The following MCM2 variants were observed in gnomAD, a reference collection of about 807,000 sequenced individuals.
The protein encoded by MCM2 is DNA replication licensing factor MCM2.
MCM2 carries 49 observed loss-of-function variants against 86.4 expected under a neutral mutation model. The observed-to-expected ratio is 0.57, with a 90% CI of 0.45 to 0.72. The LOEUF is 0.72. Ranked by LOEUF, MCM2 falls within the 30% of genes least tolerant of loss-of-function variation. The pLI is 0.00. For missense variants in MCM2, 1,038 were observed against 1,259.9 expected, an observed-to-expected ratio of 0.82 and a Z score of 2.67; for synonymous variants, 475 against 484.6, an observed-to-expected ratio of 0.98 and a Z score of 0.26.
Position 127,620,818 on chromosome 3 carries a change from C to T in MCM2, c.2386C>T (p.Arg796Cys), listed in dbSNP as rs768431409. ...VIEDDVNMAI[R>C]VMLESFIDTQ... ...CGAAGACGACGTCAACATGGCCATC[C>T]GCGTGATGCTGGAGAGCTTCATAGA... is the stretch of plus-strand genomic sequence containing the variant. Residue 796 changes from arginine to cysteine, a missense_variant, in exon 14 of 16, where the codon CGC becomes TGC. Arg to Cys is a radical substitution (Grantham distance 180). Around this residue, in one of 4 missense-constraint regions of MCM2, gnomAD observed 336 missense variants for 425.7 expected, o/e 0.79. Transcript: ENST00000265056. 12 of 1,613,888 alleles carry T rather than the reference C, an allele frequency of 7.4e-6. No individual in the cohort carries two copies. The highest frequency in any genetic ancestry group is 3.3e-5 in the South Asian group (3 of 91,062).
chr3:127,620,957 C>T, intron 14 of MCM2, 77 bp downstream of exon 14: 2 of 1,571,190 alleles, frequency 1.3e-6, no homozygotes, highest in Non-Finnish European at 8.7e-7. Context: ...AGGGCTCTGG[C>T]CTGGACGTGC....
chr3:127,617,190 T>TGGTG lies in MCM2; in HGVS notation c.1773+73_1773+76dup. On this transcript the variant is annotated intron_variant, in intron 10 of 15. Transcript: ENST00000265056. This position sits in a 1 kb window ranked among gnomAD's most constrained non-coding sequence, Gnocchi z 4.1. Reference sequence around the variant, plus strand: ...TGGGCTTGGGCCTTAGCGACGGGAATGGTGTTAATGGGGTCCATTGGGACC... The same window carrying TGGTG: ...TGGGCTTGGGCCTTAGCGACGGGAATGGTGGGTGTTAATGGGGTCCATTGGGACC... The TGGTG allele has an allele frequency of 6.2e-7, 1 of 1,602,494 alleles. No individual in the cohort carries two copies. Among genetic ancestry groups the TGGTG allele is most frequent in the East Asian group, 2.2e-5 (1 of 44,642 alleles).
intron 9 of MCM2, among the ~76,000 whole-genome samples, chr3:127,616,648 G>A (rs1040720598): frequency 2.0e-5 from 3 of 152,176 alleles, no homozygotes; most frequent in Admixed American, 6.5e-5. Flanking sequence ...TTTCACATTC[G>A]CCAAGGACAT....
At chr3:127,608,312 C>T in intron 6 of MCM2, 70 bp from the exon 7 acceptor site, 3 of 1,575,652 alleles carry the variant, frequency 1.9e-6, no homozygotes, top group Non-Finnish European at 2.6e-6. Context: ...TGTTCTCCCT[C>T]CTGTTCGGGG....
In MCM2 at chr3:127,618,100, C is replaced by T. The variant is rs200151575; in HGVS notation, c.2013+19C>T. The T allele has an allele frequency of 3.9e-4, 628 of 1,600,270 alleles. 6 individuals are homozygous for T. The African/African-American group carries it at 6.1e-3, about 15-fold the overall frequency. On this transcript the variant is annotated intron_variant, in intron 12 of 15. Coordinates refer to ENST00000265056, the MANE Select transcript of MCM2 (RefSeq NM_004526.4). The surrounding 1 kb of genome is among the most constrained non-coding windows in gnomAD (Gnocchi z 4.0). ...AGTCCAGGTATAGCTCACATGTGCCCGGTTTCCATGAACTGTGGTTTGGGG... is the reference window on the plus strand; with the variant it reads ...AGTCCAGGTATAGCTCACATGTGCCTGGTTTCCATGAACTGTGGTTTGGGG...
rs756785735 is a variant in MCM2 at position 127,616,881 on chromosome 3, G to C, written c.1536G>C (p.Lys512Asn). ...GEPKNPGGKH[K>N]VRGDINVLLC... ...CATCCCCTCCAGGTGGCAAGCACAA[G>C]GTACGTGGTGATATCAACGTGCTCT... The change falls in exon 10 of 16, where the codon AAG (lysine) becomes AAC (asparagine). Residue 512 changes from lysine (K) to asparagine (N), a missense_variant. Coordinates refer to ENST00000265056, the MANE Select transcript of MCM2 (RefSeq NM_004526.4). The C allele has an allele frequency of 5.6e-6, 9 of 1,613,188 alleles. No individual in the cohort carries two copies. The South Asian group carries it at 9.9e-5, about 18-fold the overall frequency.
At chr3:127,611,951 G>A (rs1237514925) in intron 8 of MCM2, among the ~76,000 whole-genome samples, 3 of 144,272 alleles carry the variant, frequency 2.1e-5, no homozygotes, top group Non-Finnish European at 4.4e-5. Flanking sequence ...CGCCCGCCTC[G>A]GCCTCCCAAA....
chr3:127,606,155 G>A lies in MCM2; in HGVS notation c.711G>A (p.Leu237=). 6.2e-7 allele frequency: 1 copy of A among 1,614,206 alleles called. No individual in the cohort carries two copies. Among genetic ancestry groups the A allele is most frequent in the Non-Finnish European group, 8.5e-7 (1 of 1,180,044 alleles). The change falls in exon 5 of 16, where the codon TTG becomes TTA. Residue 237 remains leucine (L), a synonymous_variant. Transcript: ENST00000265056. The surrounding 1 kb of genome is among the most constrained non-coding windows in gnomAD (Gnocchi z 4.2). The part of the protein sequence containing the change: ...RESLVVNYED[L]AAREHVLAYF... ...GCCTGGTGGTGAACTATGAGGACTT[G>A]GCAGCCAGGGAGCACGTGCTGGCCT...
At chr3:127,614,539 C>A (rs1207289848) in intron 8 of MCM2, among the ~76,000 whole-genome samples, 1 of 152,148 alleles carries the variant, frequency 6.6e-6, no homozygotes, top group Non-Finnish European at 1.5e-5. Context: ...TCTGTTGAGC[C>A]TTGCAGTCGA....
In MCM2 at chr3:127,605,159, G is replaced by A; in HGVS notation, c.673+3G>A. The A allele has an allele frequency of 6.2e-7, 1 of 1,611,120 alleles. No individual in the cohort carries two copies. The highest frequency in any genetic ancestry group is 8.5e-7 in the Non-Finnish European group (1 of 1,177,502). ...GCGCATCAGCGACATGTGCAAAGGT[G>A]TGGCTTCCCTACGCCCCCGCCTCAG... On this transcript the variant is annotated splice_donor_region_variant and intron_variant, in intron 4 of 15. Transcript: ENST00000265056.
intron 14 of MCM2, 87 bp from the exon 15 acceptor site, chr3:127,620,986 G>A (rs1182390329): frequency 6.3e-7 from 1 of 1,578,368 alleles, no homozygotes; most frequent in Admixed American, 1.7e-5. Flanking sequence ...GCGGCAGCCT[G>A]TCTGACCTGG....
intron 2 of MCM2, among the ~76,000 whole-genome samples, chr3:127,600,818 C>T (rs2074302249): frequency 6.9e-6 from 1 of 144,936 alleles, no homozygotes; most frequent in African/African-American, 2.6e-5. Flanking sequence ...CAGGGGGCTT[C>T]TGGGTAGAGG....
intron 4 of MCM2, among the ~76,000 whole-genome samples, chr3:127,605,378 C>T (rs1421890273): frequency 1.3e-5 from 2 of 150,360 alleles, no homozygotes; most frequent in East Asian, 3.9e-4. Context: ...TGAAAATGGA[C>T]AGATTTTATA....
chr3:127,608,555 A>T (rs755133119), intron 7 of MCM2, 39 bp downstream of exon 7: 4 of 1,611,790 alleles, frequency 2.5e-6, no homozygotes, highest in Non-Finnish European at 3.4e-6. Flanking sequence ...GCCAAGTTGC[A>T]GAGGGAACTG....
chr3:127,622,001 C>A lies in MCM2; in HGVS notation c.*228C>A. On this transcript the variant is annotated 3_prime_UTR_variant, in exon 16 of 16. Transcript: ENST00000265056. ...CTTGCCAGTGTGTCTTACTTGGTTG[C>A]TGAACATCTTGCCACCTCCGAGTGC... The A allele has an allele frequency of 2.0e-6, 1 of 492,584 alleles. No homozygotes were observed. Among genetic ancestry groups the A allele is most frequent in the South Asian group, 2.4e-5 (1 of 41,370 alleles). 30.5% of individuals were successfully genotyped at this position (492,584 alleles called of 1,614,324 possible).
Position 127,617,085 on chromosome 3 carries a change from C to T in MCM2, c.1740C>T (p.Asp580=). 3 of 1,614,040 alleles carry T rather than the reference C, an allele frequency of 1.9e-6. No homozygotes were observed. Among genetic ancestry groups the T allele is most frequent in the African/African-American group, 1.3e-5 (1 of 75,022 alleles). The change falls in exon 10 of 16, where the codon GAC becomes GAT. Residue 580 remains aspartate, a synonymous_variant. Coordinates refer to ENST00000265056, the MANE Select transcript of MCM2 (RefSeq NM_004526.4). The surrounding 1 kb of genome is among the most constrained non-coding windows in gnomAD (Gnocchi z 4.1). ...TLEAGALVLA[D]RGVCLIDEFD... is the part of the protein sequence containing the mutation. ...AGGCTGGGGCCCTGGTTCTGGCTGA[C>T]CGAGGAGTGTGTCTCATTGATGAAT...
rs1441572301 is a variant in MCM2, at chr3:127,622,420, G to T, written c.*647G>T. ...TTCTGTAGTTTTAATTTTTAATAAA[G>T]TTGAATAAAATATAAACGCTGGTAT... On this transcript the variant is annotated 3_prime_UTR_variant, in exon 16 of 16. Coordinates refer to ENST00000265056, the MANE Select transcript of MCM2 (RefSeq NM_004526.4). 1 of 152,202 alleles carries T rather than the reference G, an allele frequency of 6.6e-6. No homozygotes were observed. The highest frequency in any genetic ancestry group is 1.5e-5 in the Non-Finnish European group (1 of 68,046). The allele number at this position is 152,202 out of a possible 1,614,324, so 9.4% of individuals were successfully genotyped here. A position where few individuals can be genotyped will look rare whatever the true frequency, so the allele number is the denominator to read the frequency against.
chr3:127,605,434 CTTTTTT>C (rs1227332481), intron 4 of MCM2, among the ~76,000 whole-genome samples: 1 of 86,124 alleles, frequency 1.2e-5, no homozygotes, highest in Non-Finnish European at 2.3e-5. Flanking sequence ...GGAATTGACT[CTTTTTT>C]TTTTTTTTTT....
At chr3:127,600,549 G>A (rs1281740211) in intron 2 of MCM2, among the ~76,000 whole-genome samples, 1 of 152,134 alleles carries the variant, frequency 6.6e-6, no homozygotes, top group African/African-American at 2.4e-5. Flanking sequence ...AGGCTTTCAA[G>A]GGCACTCCAG....
Sources: gnomAD v4.1 joint callset for allele counts (sites outside exome capture counted in the v4.1 genomes callset) on GRCh38, gnomAD v4.1.1 for gene constraint, gnomAD v4.1.1 regional missense constraint, Gnocchi (gnomAD v3.1) non-coding constraint, MANE v1.5 for transcripts, NCBI Gene and HGNC (gene_info 2026-07-23, HGNC 2026-07-21) for gene names.